The following DLG2 variants were observed in gnomAD, a reference collection of about 807,000 sequenced individuals.
DLG2 encodes disks large homolog 2.
DLG2 carries 45 observed loss-of-function variants against 132.5 expected under a neutral mutation model. The observed-to-expected ratio is 0.34, with a 90% CI of 0.27 to 0.44. The LOEUF (loss-of-function observed/expected upper bound fraction) is 0.44, where lower values mean the gene tolerates loss of function less well. DLG2 is among the 20% of genes least tolerant of loss of function. DLG2 has a pLI of 1.00. For missense variants in DLG2, 1,045 were observed against 1,196.9 expected (o/e 0.87, Z 1.87); for synonymous variants, 424 against 419.6 (o/e 1.01, Z -0.13).
At chr11:84,694,051 T>A (rs1052476996) in intron 6 of DLG2, among the ~76,000 whole-genome samples, 2 of 151,608 alleles carry the variant, frequency 1.3e-5, no homozygotes, top group Non-Finnish European at 3.0e-5. Flanking sequence ...GAGAACACAA[T>A]CCCTTATTCA....
chr11:85,482,971 T>C (rs1355262451), intron 3 of DLG2, among the ~76,000 whole-genome samples: 2 of 152,194 alleles, frequency 1.3e-5, no homozygotes, highest in South Asian at 2.1e-4. Context: ...TAGGAAAATA[T>C]ACATATATCT....
At chr11:84,095,850 T>A (rs1033190271) in intron 10 of DLG2, among the ~76,000 whole-genome samples, 2 of 152,136 alleles carry the variant, frequency 1.3e-5, no homozygotes, top group African/African-American at 4.8e-5. Context: ...CTGTACAAAG[T>A]TTTGCAGGTT....
At chr11:83,579,581 A>C (rs190222638) in intron 19 of DLG2, among the ~76,000 whole-genome samples, 38 of 152,350 alleles carry the variant, frequency 2.5e-4, no homozygotes, top group African/African-American at 7.7e-4. Flanking sequence ...GTCTAAAGTG[A>C]AAGTAGACAT....
intron 16 of DLG2, among the ~76,000 whole-genome samples, chr11:83,846,935 CCAAG>C (rs2058726792): frequency 5.9e-5 from 1 of 16,914 alleles, no homozygotes; most frequent in Non-Finnish European, 1.2e-4. Flanking sequence ...TCATTATCTC[CCAAG>C]CCAAAAAAAA....
intron 7 of DLG2, among the ~76,000 whole-genome samples, chr11:84,358,495 T>C (rs1340465897): frequency 1.3e-5 from 2 of 151,724 alleles, no homozygotes; most frequent in Non-Finnish European, 2.9e-5. Context: ...GATTCTCTGT[T>C]TTCAACTCTA....
At chr11:84,007,635 A>G (rs2094637333) in intron 11 of DLG2, among the ~76,000 whole-genome samples, 1 of 151,782 alleles carries the variant, frequency 6.6e-6, no homozygotes, top group Admixed American at 6.6e-5. Context: ...AAAATAATAA[A>G]TGGACTATTG....
intron 4 of DLG2, among the ~76,000 whole-genome samples, chr11:85,210,524 T>C (rs2082187612): frequency 1.3e-5 from 2 of 152,316 alleles, no homozygotes; most frequent in South Asian, 4.1e-4. Context: ...TCATTTTTCA[T>C]ACACTTTTCT....
chr11:84,392,299 T>C (rs1025397005), intron 7 of DLG2, among the ~76,000 whole-genome samples: 2 of 152,164 alleles, frequency 1.3e-5, no homozygotes, highest in Non-Finnish European at 2.9e-5. Context: ...GCCAGAGACG[T>C]AGTGCAATAT....
chr11:84,807,150 G>A (rs1024400472), intron 6 of DLG2, among the ~76,000 whole-genome samples: 9 of 152,004 alleles, frequency 5.9e-5, no homozygotes, highest in Admixed American at 1.3e-4. Flanking sequence ...TAGAAAATTA[G>A]AAATAAAACA....
At chr11:83,955,859 G>A (rs144075864) in intron 14 of DLG2, among the ~76,000 whole-genome samples, 2,210 of 152,184 alleles carry the variant, frequency 0.015, 55 homozygotes, top group African/African-American at 0.049. Context: ...CTTCAGCTTT[G>A]GGACTCTTGG....
At chr11:84,149,457 C>A (rs1350890152) in intron 9 of DLG2, among the ~76,000 whole-genome samples, 1 of 151,956 alleles carries the variant, frequency 6.6e-6, no homozygotes, top group East Asian at 1.9e-4. Context: ...ATCCCAGCAC[C>A]ATTAATTGAA....
At chr11:84,243,218 T>A (rs74818442) in intron 8 of DLG2, among the ~76,000 whole-genome samples, 1 of 152,192 alleles carries the variant, frequency 6.6e-6, no homozygotes, top group Non-Finnish European at 1.5e-5. Context: ...TTAGCCCTAC[T>A]GGCTACTAAG....
At chr11:85,270,476 C>T (rs987018768) in intron 4 of DLG2, among the ~76,000 whole-genome samples, 5 of 152,116 alleles carry the variant, frequency 3.3e-5, no homozygotes, top group African/African-American at 1.2e-4. Context: ...TAATTTGGTA[C>T]TGACAGTGGG....
chr11:83,928,343 A>G (rs1174785591), intron 15 of DLG2, among the ~76,000 whole-genome samples: 1 of 152,118 alleles, frequency 6.6e-6, no homozygotes, highest in Non-Finnish European at 1.5e-5. Context: ...ACAGAAAGCA[A>G]GCTGAAAAGA....
chr11:83,826,066 G>T (rs2052680923), intron 17 of DLG2, among the ~76,000 whole-genome samples: 1 of 147,442 alleles, frequency 6.8e-6, no homozygotes, highest in African/African-American at 2.5e-5. Flanking sequence ...ACAATTTTAG[G>T]CTTTAAGAAC....
chr11:83,985,760 AT>A (rs1225430199), intron 11 of DLG2, among the ~76,000 whole-genome samples: 1 of 152,042 alleles, frequency 6.6e-6, no homozygotes, highest in Non-Finnish European at 1.5e-5. Context: ...TCTATCATTG[AT>A]TGGCATTTAG....
At chr11:85,533,107 T>A (rs2075328607) in intron 3 of DLG2, among the ~76,000 whole-genome samples, 1 of 152,008 alleles carries the variant, frequency 6.6e-6, no homozygotes, top group South Asian at 2.1e-4. Flanking sequence ...CACTGCAACC[T>A]CCCCCTCCCG....
intron 15 of DLG2, among the ~76,000 whole-genome samples, chr11:83,907,274 A>G (rs534989592): frequency 6.6e-6 from 1 of 152,330 alleles, no homozygotes; most frequent in Admixed American, 6.5e-5. Flanking sequence ...TATATCCCAA[A>G]CATTGGGGAA....
At chr11:85,283,086 A>G (rs1217022043) in intron 4 of DLG2, among the ~76,000 whole-genome samples, 1 of 151,936 alleles carries the variant, frequency 6.6e-6, no homozygotes, top group Non-Finnish European at 1.5e-5. Context: ...CACCTACTAG[A>G]GGGTGGAGGG....
Sources: gnomAD v4.1 joint callset for allele counts (sites outside exome capture counted in the v4.1 genomes callset) on GRCh38, gnomAD v4.1.1 for gene constraint, MANE v1.5 for transcripts, NCBI Gene and HGNC (gene_info 2026-07-23, HGNC 2026-07-21) for gene names.